The following PDK4 variants were observed in gnomAD, a reference collection of about 807,000 sequenced individuals.
PDK4 encodes pyruvate dehydrogenase kinase 4.
Under a neutral mutation model 51.7 loss-of-function variants are expected in PDK4, and 43 were observed. That is an observed-to-expected ratio of 0.83 (90% CI 0.65 to 1.07). The LOEUF (loss-of-function observed/expected upper bound fraction) is 1.07. Among genes scored for constraint, PDK4 ranks in the 50% least tolerant of loss-of-function variants. PDK4 has a pLI of 0.00. For missense variants in PDK4, 498 were observed against 503.5 expected (o/e 0.99, Z 0.10); for synonymous variants, 170 against 176.6 (o/e 0.96, Z 0.30).
intron 2 of PDK4, 67 bp downstream of exon 2, chr7:95,594,956 T>A (rs933609123): frequency 1.9e-6 from 2 of 1,072,374 alleles, no homozygotes; most frequent in Admixed American, 4.3e-5. Context: ...GATGTTAACA[T>A]AGTATAAGAA....
rs1791525057 is a variant in PDK4, at chr7:95,589,430, A to G, written c.771+210T>C. 1.3e-5 allele frequency among the ~76,000 whole-genome samples: 2 copies of G among 152,228 alleles called. 1 individual carries two copies. ...GCATTGATACATCATGAATTGTATG[A>G]TGCATTCTCAAATATGTGTTGATGC... On this transcript the variant is annotated intron_variant, in intron 7 of 10. Coordinates refer to ENST00000005178, the MANE Select transcript of PDK4 (RefSeq NM_002612.4).
Position 95,596,346 on chromosome 7 carries a change from C to T in PDK4, c.-53G>A. 1.3e-6 allele frequency: 2 copies of T among 1,526,124 alleles called. No homozygotes were observed. The highest frequency in any genetic ancestry group is 8.8e-7 in the Non-Finnish European group (1 of 1,139,566). 94.5% of individuals were successfully genotyped at this position (1,526,124 alleles called of 1,614,324 possible). ...CTGTGGCTGGCTTGAGGGGCGAAGG[C>T]TGCTCGGAGCAGAGCCTGGTTCCGA... On this transcript the variant is annotated 5_prime_UTR_variant, in exon 1 of 11. Transcript: ENST00000005178.
chr7:95,594,798 T>G (rs1791595585), intron 2 of PDK4: 1 of 313,674 alleles, frequency 3.2e-6, no homozygotes, highest in African/African-American at 2.1e-5. Context: ...AACTCAAAAT[T>G]TTATTATAAA....
In PDK4 at chr7:95,585,572, A is replaced by G; in HGVS notation, c.*69T>C. 1 of 1,390,626 alleles carries G rather than the reference A, an allele frequency of 7.2e-7. No individual in the cohort carries two copies. The highest frequency in any genetic ancestry group is 2.3e-5 in the East Asian group (1 of 43,048). 86.1% of individuals were successfully genotyped at this position (1,390,626 alleles called of 1,614,324 possible). A position where few individuals can be genotyped will look rare whatever the true frequency, so the allele number is the denominator to read the frequency against. On this transcript the variant is annotated 3_prime_UTR_variant, in exon 11 of 11. Transcript: ENST00000005178. ...TTTTGGAGGAAACAAGGGTTCACAC[A>G]CAAACATTCAGGAAGCAGCACTGGT...
rs1791493041 is a variant in PDK4 at position 95,587,116 on chromosome 7, A to C, written c.989T>G (p.Phe330Cys). ...DNSRNAPLAG[F>C]GYGLPISRLY... The stretch of plus-strand genomic sequence containing the variant: ...ACGAGAAATTGGCAAGCCGTAACCA[A>C]AACCAGCCTAGAGAAGAGAGACGTT... Residue 330 changes from phenylalanine to cysteine, a missense_variant, in exon 10 of 11, where the codon TTT becomes TGT. Coordinates refer to ENST00000005178, the MANE Select transcript of PDK4 (RefSeq NM_002612.4). 2 of 1,593,536 alleles carry C rather than the reference A, an allele frequency of 1.3e-6. No individual in the cohort carries two copies. The highest frequency in any genetic ancestry group is 1.7e-5 in the Admixed American group (1 of 59,948).
At chr7:95,593,144 C>T (rs1791573635) in intron 3 of PDK4, among the ~76,000 whole-genome samples, 200 bp from the exon 4 acceptor site, 1 of 152,094 alleles carries the variant, frequency 6.6e-6, no homozygotes, top group Non-Finnish European at 1.5e-5. Context: ...CAAACAGACT[C>T]ATTTTGTTTC....
At chr7:95,592,622 A>G (rs752080168) in intron 4 of PDK4, 25 bp from the exon 5 acceptor site, 101 of 1,531,316 alleles carry the variant, frequency 6.6e-5, no homozygotes, top group Non-Finnish European at 8.9e-5. Flanking sequence ...AAACAAAAAA[A>G]AATTGTTATA....
Position 95,591,980 on chromosome 7 carries a change from T to C in PDK4, c.694+8A>G. The C allele has an allele frequency of 1.5e-6, 2 of 1,363,036 alleles. No individual in the cohort carries two copies. Among genetic ancestry groups the C allele is most frequent in the Admixed American group, 2.0e-5 (1 of 50,806 alleles). The allele number at this position is 1,363,036 out of a possible 1,614,324, so 84.4% of individuals were successfully genotyped here. A position where few individuals can be genotyped will look rare whatever the true frequency, so the allele number is the denominator to read the frequency against. ...CACAGGTTAAAATATATTTTACTTA[T>C]AACTTACCATTCACTTGTGTAAGCT... is the stretch of plus-strand genomic sequence containing the variant. On this transcript the variant is annotated splice_region_variant and intron_variant, in intron 6 of 10. Coordinates refer to ENST00000005178, the MANE Select transcript of PDK4 (RefSeq NM_002612.4).
chr7:95,587,913 C>A, intron 7 of PDK4, 88 bp from the exon 8 acceptor site: 1 of 826,762 alleles, frequency 1.2e-6, no homozygotes, highest in South Asian at 1.6e-5. Flanking sequence ...ATAAAAGTAG[C>A]ACAGAGGGTA....
In PDK4 at chr7:95,592,592, T is replaced by C. The variant is rs956966679; in HGVS notation, c.535A>G (p.Ile179Val). The C allele has an allele frequency of 1.9e-6, 3 of 1,598,202 alleles. No homozygotes were observed. Among genetic ancestry groups the C allele is most frequent in the Non-Finnish European group, 1.7e-6 (2 of 1,165,846 alleles). The change falls in exon 5 of 11, where the codon ATA becomes GTA. Residue 179 changes from isoleucine (I) to valine (V), a missense_variant. Transcript: ENST00000005178. ...TRMLMNQHIL[I>V]FSDSQTGNPS... Reference sequence around the variant, plus strand: ...TTTCCTGTCTGTGAGTCACTAAATATAAGAACTGTTGAAAAATAAAAACAA... The same window carrying C: ...TTTCCTGTCTGTGAGTCACTAAATACAAGAACTGTTGAAAAATAAAAACAA...
At chr7:95,589,219 A>C (rs1178112638) in intron 7 of PDK4, among the ~76,000 whole-genome samples, 1 of 152,236 alleles carries the variant, frequency 6.6e-6, no homozygotes, top group Non-Finnish European at 1.5e-5. Flanking sequence ...GAATGGAGCC[A>C]TACCACCTAC....
intron 3 of PDK4, 70 bp from the exon 4 acceptor site, chr7:95,593,014 T>G (rs1791572044): frequency 1.0e-5 from 11 of 1,075,076 alleles, no homozygotes. Context: ...TAAGGTTACT[T>G]CACAGAAGGC....
Position 95,596,297 on chromosome 7 carries a change from G to C in PDK4, c.-4C>G, listed in dbSNP as rs369626643. The C allele has an allele frequency of 1.5e-5, 23 of 1,568,680 alleles. No homozygotes were observed. In the African/African-American group the frequency reaches 3.2e-4, roughly 22 times the overall value. ...GCACGAAGCGGGCCGCCTTCATCTT[G>C]ACGCCCACCCGGCCTGGCGGGGACT... On this transcript the variant is annotated 5_prime_UTR_variant, in exon 1 of 11. Coordinates refer to ENST00000005178, the MANE Select transcript of PDK4 (RefSeq NM_002612.4).
intron 2 of PDK4, 125 bp from the exon 3 acceptor site, chr7:95,593,895 T>C (rs1206042367): frequency 4.5e-6 from 2 of 442,330 alleles, no homozygotes; most frequent in Non-Finnish European, 8.1e-6. Context: ...ACTTAAAACT[T>C]TCCTCCAGAA....
chr7:95,587,670 A>G (rs1791502601), intron 8 of PDK4, 57 bp downstream of exon 8: 2 of 1,266,782 alleles, frequency 1.6e-6, no homozygotes, highest in Non-Finnish European at 2.3e-6. Context: ...CTTTATTACT[A>G]TTGACCCTAT....
rs774308586 is a variant in PDK4 at position 95,587,050 on chromosome 7, G to C, written c.1055C>G (p.Ser352Cys). ...AGCATCTGTTCCATATCCTGATAAA[G>C]AGTAGAGATTCAGATCTCCTTGAAA... ...KYFQGDLNLY[S>C]LSGYGTDAII... The change falls in exon 10 of 11, where the codon TCT becomes TGT. Residue 352 changes from serine to cysteine, a missense_variant. By Grantham distance (112) the Ser-to-Cys change is moderately radical. Coordinates refer to ENST00000005178, the MANE Select transcript of PDK4 (RefSeq NM_002612.4). 1.2e-6 allele frequency: 2 copies of C among 1,610,150 alleles called. No individual in the cohort carries two copies. The highest frequency in any genetic ancestry group is 3.3e-5 in the Admixed American group (2 of 60,006).
rs1584124016 is a variant in PDK4, at chr7:95,592,872, T to C, written c.417A>G (p.Ile139Met). The change falls in exon 4 of 11, where the codon ATA becomes ATG. Residue 139 changes from isoleucine (I) to methionine (M), a missense_variant. Transcript: ENST00000005178. ...CAACTGTACAGGCATCTTTATACTCTATGATTCCTTGTGCCATTGTAGGGA... is the reference window on the plus strand; with the variant it reads ...CAACTGTACAGGCATCTTTATACTCCATGATTCCTTGTGCCATTGTAGGGA... Reference protein sequence around the residue: ...NVVPTMAQGIIEYKDACTVDP... With the variant: ...NVVPTMAQGIMEYKDACTVDP... 1 of 1,611,260 alleles carries C rather than the reference T, an allele frequency of 6.2e-7. No individual in the cohort carries two copies. The highest frequency in any genetic ancestry group is 8.5e-7 in the Non-Finnish European group (1 of 1,177,588).
rs1791569078 is a variant in PDK4, at chr7:95,592,853, T to C, written c.436A>G (p.Thr146Ala). Residue 146 changes from threonine (T) to alanine (A), a missense_variant, in exon 4 of 11, where the codon ACA becomes GCA. Transcript: ENST00000005178. Reference sequence around the variant, plus strand: ...TTTTGATTGGTGACTGGGTCAACTGTACAGGCATCTTTATACTCTATGATT... The same window carrying C: ...TTTTGATTGGTGACTGGGTCAACTGCACAGGCATCTTTATACTCTATGATT... ...QGIIEYKDAC[T>A]VDPVTNQNLQ... 1 of 1,611,606 alleles carries C rather than the reference T, an allele frequency of 6.2e-7. No homozygotes were observed.
At position 95,596,508 on chromosome 7, in the gene PDK4, T is replaced by C. The variant is rs1338712569; in HGVS notation, c.-215A>G. ...AGATGCAGTGGTTCGAGATTCAAGT[T>C]CAAGTCTTCCCACCAGCCGCCGCCG... is the stretch of plus-strand genomic sequence containing the variant. On this transcript the variant is annotated 5_prime_UTR_variant, in exon 1 of 11. Transcript: ENST00000005178. 4.0e-6 allele frequency: 2 copies of C among 503,828 alleles called. No individual in the cohort carries two copies. Among genetic ancestry groups the C allele is most frequent in the East Asian group, 3.7e-5 (1 of 27,042 alleles). 31.2% of individuals were successfully genotyped at this position (503,828 alleles called of 1,614,324 possible). A position where few individuals can be genotyped will look rare whatever the true frequency, so the allele number is the denominator to read the frequency against.
Sources: gnomAD v4.1 joint callset for allele counts (sites outside exome capture counted in the v4.1 genomes callset) on GRCh38, gnomAD v4.1.1 for gene constraint, MANE v1.5 for transcripts, NCBI Gene and HGNC (gene_info 2026-07-23, HGNC 2026-07-21) for gene names.